CLEC16A: variants seen among roughly 807,000 people sequenced by gnomAD.
The protein encoded by CLEC16A is protein CLEC16A.
In CLEC16A, 51 loss-of-function variants were observed where a neutral mutation model predicts 109.5. The ratio of observed to expected loss-of-function variants is 0.47; its 90% CI spans 0.37 to 0.59. The LOEUF is 0.59. Among genes scored for constraint, CLEC16A ranks in the 20% least tolerant of loss-of-function variants. The probability of loss-of-function intolerance (pLI) is 0.00; values close to 1 mark genes in which losing one functional copy is unlikely to be tolerated. For synonymous variants in CLEC16A, 673 were observed against 564.2 expected (o/e 1.19, Z -2.73); for missense variants, 1,339 against 1,394.0 (o/e 0.96, Z 0.63).
intron 11 of CLEC16A, among the ~76,000 whole-genome samples, chr16:11,005,477 A>T (rs2044944862): frequency 6.6e-6 from 1 of 152,132 alleles, no homozygotes; most frequent in African/African-American, 2.4e-5. Flanking sequence ...CATGGCTCTC[A>T]ATGACCTGTG....
intron 21 of CLEC16A, 42 bp downstream of exon 21, chr16:11,123,988 G>C: frequency 6.5e-7 from 1 of 1,543,920 alleles, no homozygotes; most frequent in Non-Finnish European, 8.8e-7. Context: ...TGAGCACTTG[G>C]TGGGTCAGGG....
At chr16:11,014,450 G>A (rs150314198) in intron 11 of CLEC16A, among the ~76,000 whole-genome samples, 110 of 152,290 alleles carry the variant, frequency 7.2e-4, no homozygotes, top group African/African-American at 2.6e-3. Flanking sequence ...TGTGTCTTGC[G>A]GAGAAAGACC....
chr16:11,075,414 GTGTGTGTGTGTGTA>G (rs1567282539), intron 19 of CLEC16A, among the ~76,000 whole-genome samples: 118 of 120,426 alleles, frequency 9.8e-4, no homozygotes, highest in African/African-American at 3.5e-3. Flanking sequence ...GTGTGTGTCT[GTGTGTGTGTGTGTA>G]TGTGTGTGTG....
chr16:11,014,035 A>T (rs1361994349), intron 11 of CLEC16A, among the ~76,000 whole-genome samples: 1 of 152,214 alleles, frequency 6.6e-6, no homozygotes, highest in East Asian at 1.9e-4. Context: ...TTTAATTTTC[A>T]TTTTAAAAAT....
rs564122484 is a variant in CLEC16A at position 10,976,437 on chromosome 16, GA to G, written c.729-782del. On this transcript the variant is annotated intron_variant, in intron 7 of 23. Coordinates refer to ENST00000409790, the MANE Select transcript of CLEC16A (RefSeq NM_015226.3). ...TACTACTAGGAGAGGTAAAAATGTA[GA>G]AAAAACAGACATTAGGGTTATAAGT... 2.4e-4 allele frequency among the ~76,000 whole-genome samples: 36 copies of G among 151,352 alleles called. No homozygotes were observed. In the Middle Eastern group the frequency reaches 0.01, roughly 43 times the overall value.
At chr16:11,158,421 A>C (rs2054609267) in intron 22 of CLEC16A, among the ~76,000 whole-genome samples, 2 of 152,168 alleles carry the variant, frequency 1.3e-5, no homozygotes, top group Admixed American at 1.3e-4. Flanking sequence ...AACCATAAAT[A>C]AGTGTAGGTT....
rs1040227427 is a variant in CLEC16A at position 11,142,136 on chromosome 16, C to T, written c.2641+15990C>T. ...TCTCCCTACTTACCGGGGGAGGAGG[C>T]TGAGGCCCAGAGAGGTGAGGTAACT... On this transcript the variant is annotated intron_variant, in intron 22 of 23. Coordinates refer to ENST00000409790, the MANE Select transcript of CLEC16A (RefSeq NM_015226.3). 2.0e-5 allele frequency among the ~76,000 whole-genome samples: 3 copies of T among 152,136 alleles called. No homozygotes were observed. In the South Asian group the frequency reaches 6.2e-4, roughly 31 times the overall value.
chr16:11,090,106 C>G (rs2050221440), intron 19 of CLEC16A, among the ~76,000 whole-genome samples: 1 of 152,184 alleles, frequency 6.6e-6, no homozygotes, highest in Admixed American at 6.5e-5. Context: ...CCACCAAACA[C>G]TCCATTGCGT....
intron 10 of CLEC16A, among the ~76,000 whole-genome samples, chr16:10,983,613 C>T (rs1330492129): frequency 6.6e-6 from 1 of 152,158 alleles, no homozygotes; most frequent in East Asian, 1.9e-4. Flanking sequence ...ATTTGGTACA[C>T]TGCTGAGGGA....
chr16:11,101,938 G>T, intron 19 of CLEC16A, among the ~76,000 whole-genome samples: 1 of 150,868 alleles, frequency 6.6e-6, no homozygotes, highest in East Asian at 1.9e-4. Flanking sequence ...GAGTAGCTGG[G>T]ACCACAGGTG....
intron 19 of CLEC16A, among the ~76,000 whole-genome samples, chr16:11,069,058 C>G (rs1282154932): frequency 6.6e-6 from 1 of 150,992 alleles, no homozygotes; most frequent in African/African-American, 2.4e-5. Flanking sequence ...GTCTCAAACT[C>G]CTGGCCTCAA....
intron 22 of CLEC16A, among the ~76,000 whole-genome samples, chr16:11,148,159 C>T (rs794422): frequency 1.6e-4 from 25 of 152,228 alleles, no homozygotes; most frequent in African/African-American, 5.3e-4. Context: ...ATTAGAAGTG[C>T]GGTGAGTAGT....
intron 20 of CLEC16A, among the ~76,000 whole-genome samples, chr16:11,122,129 C>A (rs548607015): frequency 1.1e-3 from 165 of 152,270 alleles, no homozygotes; most frequent in African/African-American, 4.0e-3. Flanking sequence ...GCCGCCCCAC[C>A]TCTGCCTTGC....
rs1176037606 is a variant in CLEC16A at position 10,982,915 on chromosome 16, C to T, written c.995C>T (p.Ser332Leu). The T allele has an allele frequency of 9.3e-6, 15 of 1,611,968 alleles. No individual in the cohort carries two copies. The highest frequency in any genetic ancestry group is 1.7e-5 in the Admixed American group (1 of 60,000). ...ATACATCATGCACCGCTGGTGAACT[C>T]GTTAGCTGAAGTCATTCTGAATGGT... ...LIIHHAPLVN[S>L]LAEVILNGDL... Residue 332 changes from serine (S) to leucine (L), a missense_variant, in exon 10 of 24, where the codon TCG (serine) becomes TTG (leucine). Physicochemically the swap from Ser to Leu is moderately radical, Grantham distance 145. Around this residue, in one of 3 missense-constraint regions of CLEC16A, gnomAD observed 1,061 missense variants for 1,006.8 expected, o/e 1.05. Coordinates refer to ENST00000409790, the MANE Select transcript of CLEC16A (RefSeq NM_015226.3).
intron 3 of CLEC16A, among the ~76,000 whole-genome samples, chr16:10,967,319 C>T (rs555564383): frequency 7.0e-4 from 106 of 152,280 alleles, no homozygotes; most frequent in African/African-American, 2.4e-3. Flanking sequence ...GGTACCTCGA[C>T]GGCTCCAAAT....
intron 23 of CLEC16A, among the ~76,000 whole-genome samples, chr16:11,170,020 G>A (rs2068438685): frequency 6.6e-6 from 1 of 152,214 alleles, no homozygotes; most frequent in Admixed American, 6.5e-5. Flanking sequence ...GATGCAGCTA[G>A]CCAGCAGAGG....
rs374191487 is a variant in CLEC16A, at chr16:11,130,398, G to C, written c.2641+4252G>C. Among the ~76,000 whole-genome samples, 48 of 152,350 alleles carry C rather than the reference G, an allele frequency of 3.2e-4. No homozygotes were observed. The East Asian group carries it at 6.7e-3, about 21-fold the overall frequency. Reference sequence around the variant, plus strand: ...TGACAAGGGAACACAAAGGAACTGAGAACCGAGAAGACCTTAAGCAGCATC... The same window carrying C: ...TGACAAGGGAACACAAAGGAACTGACAACCGAGAAGACCTTAAGCAGCATC... On this transcript the variant is annotated intron_variant, in intron 22 of 23. Coordinates refer to ENST00000409790, the MANE Select transcript of CLEC16A (RefSeq NM_015226.3).
intron 1 of CLEC16A, among the ~76,000 whole-genome samples, chr16:10,953,073 G>A (rs139665097): frequency 4.2e-4 from 64 of 152,280 alleles, no homozygotes; most frequent in African/African-American, 1.3e-3. Context: ...GCCAAGAATA[G>A]GCAATATTGA....
Position 11,125,981 on chromosome 16 carries a change from C to T in CLEC16A, c.2476C>T (p.Leu826Phe), listed in dbSNP as rs2052784227. Residue 826 changes from leucine to phenylalanine, a missense_variant and splice_region_variant, in exon 22 of 24, where the codon CTC becomes TTC. Coordinates refer to ENST00000409790, the MANE Select transcript of CLEC16A (RefSeq NM_015226.3). ...RRMKMQRIAA[L>F]LDLPIQPTTE... ...ACCATGCTATTGTTTGACCGTAGCC[C>T]TCCTGGACCTCCCAATCCAGCCCAC... is the stretch of plus-strand genomic sequence containing the variant. 6.3e-7 allele frequency: 1 copy of T among 1,574,824 alleles called. No homozygotes were observed. The highest frequency in any genetic ancestry group is 8.6e-7 in the Non-Finnish European group (1 of 1,157,486).
Sources: gnomAD v4.1 joint callset for allele counts (sites outside exome capture counted in the v4.1 genomes callset) on GRCh38, gnomAD v4.1.1 for gene constraint, gnomAD v4.1.1 regional missense constraint, MANE v1.5 for transcripts, NCBI Gene and HGNC (gene_info 2026-07-23, HGNC 2026-07-21) for gene names.